The following TAF2 variants were observed in gnomAD, a reference collection of about 807,000 sequenced individuals.
TAF2 encodes the protein transcription initiation factor TFIID subunit 2.
TAF2 carries 61 observed loss-of-function variants against 138.5 expected under a neutral mutation model. The observed-to-expected ratio is 0.44, with a 90% CI of 0.36 to 0.54. TAF2 has a LOEUF of 0.54. Ranked by LOEUF, TAF2 falls within the 20% of genes least tolerant of loss-of-function variation. The probability of loss-of-function intolerance (pLI) is 0.00; values close to 1 mark genes in which losing one functional copy is unlikely to be tolerated. For synonymous variants in TAF2, 475 were observed against 469.9 expected (o/e 1.01, Z -0.14); for missense variants, 1,090 against 1,427.9 (o/e 0.76, Z 3.81).
At chr8:119,760,538 G>T in intron 20 of TAF2, 61 bp downstream of exon 20, 1 of 1,586,814 alleles carries the variant, frequency 6.3e-7, no homozygotes, top group Non-Finnish European at 8.6e-7. Context: ...CAACAACACT[G>T]GCTTTAAAAA....
intron 25 of TAF2, among the ~76,000 whole-genome samples, chr8:119,733,062 G>A (rs1818987723): frequency 1.3e-5 from 2 of 152,132 alleles, no homozygotes; most frequent in Non-Finnish European, 1.5e-5. Context: ...CATATGGGCT[G>A]ACTGCAGGAC....
In TAF2 at chr8:119,785,913, A is replaced by G. The variant is rs1563875782; in HGVS notation, c.1794-647T>C. Among the ~76,000 whole-genome samples, 3 of 152,178 alleles carry G rather than the reference A, an allele frequency of 2.0e-5. No individual in the cohort carries two copies. The South Asian group carries it at 6.2e-4, about 31-fold the overall frequency. ...CTGAGAATAGCAATCAAATGTTACC[A>G]ATTTCCAAGGTGGATAGGACAAAAA... is the stretch of plus-strand genomic sequence containing the variant. On this transcript the variant is annotated intron_variant, in intron 14 of 25. Coordinates refer to ENST00000378164, the MANE Select transcript of TAF2 (RefSeq NM_003184.4).
intron 2 of TAF2, among the ~76,000 whole-genome samples, chr8:119,826,521 G>A (rs116211294): frequency 6.6e-6 from 1 of 151,856 alleles, no homozygotes; most frequent in African/African-American, 2.4e-5. Context: ...GGTCACTTAT[G>A]ACCAAGATTA....
At chr8:119,758,864 G>A (rs549229858) in intron 20 of TAF2, among the ~76,000 whole-genome samples, 3 of 152,170 alleles carry the variant, frequency 2.0e-5, no homozygotes, top group Admixed American at 2.0e-4. Flanking sequence ...GGACAAAAGC[G>A]AAGTGTCACA....
At chr8:119,801,395 A>G (rs1307908862) in intron 6 of TAF2, among the ~76,000 whole-genome samples, 4 of 152,022 alleles carry the variant, frequency 2.6e-5, no homozygotes, top group African/African-American at 9.7e-5. Flanking sequence ...TTGATAGTTG[A>G]AAAAAGAGTG....
At chr8:119,824,398 C>T (rs369416695) in intron 2 of TAF2, among the ~76,000 whole-genome samples, 7 of 149,440 alleles carry the variant, frequency 4.7e-5, no homozygotes, top group African/African-American at 1.5e-4. Context: ...CACTGCACTC[C>T]AGCCTGGGGG....
rs201947539 is a variant in TAF2, at chr8:119,812,718, G to GGTGTGTGT, written c.300-6325_300-6318dup. On this transcript the variant is annotated intron_variant, in intron 3 of 25. Coordinates refer to ENST00000378164, the MANE Select transcript of TAF2 (RefSeq NM_003184.4). The stretch of plus-strand genomic sequence containing the variant: ...TTTTTATGGCTGAGTAGTATTCCAT[G>GGTGTGTGT]GTGTGTGTGTGTGTGTGTGTGTGTG... Among the ~76,000 whole-genome samples the GGTGTGTGT allele has an allele frequency of 2.8e-3, 399 of 143,952 alleles. 2 individuals are homozygous for GGTGTGTGT. Among genetic ancestry groups the GGTGTGTGT allele is most frequent in the Non-Finnish European group, 3.7e-3 (244 of 66,574 alleles). The allele number at this position is 143,952 out of a possible 152,430, so 94.4% of individuals were successfully genotyped here. A position where few individuals can be genotyped will look rare whatever the true frequency, so the allele number is the denominator to read the frequency against.
chr8:119,803,167 A>G (rs1055886343), intron 5 of TAF2, among the ~76,000 whole-genome samples: 1 of 152,188 alleles, frequency 6.6e-6, no homozygotes, highest in Non-Finnish European at 1.5e-5. Context: ...GGGGAAGTAG[A>G]GTATGAAAGC....
Position 119,788,546 on chromosome 8 carries a change from TA to T in TAF2, c.1684-100del, listed in dbSNP as rs566804574. The T allele has an allele frequency of 1.2e-3, 1,165 of 965,416 alleles. 43 individuals carry two copies. The South Asian group carries it at 0.015, about 12-fold the overall frequency. The allele number at this position is 965,416 out of a possible 1,614,324, so 59.8% of individuals were successfully genotyped here. Reference sequence around the variant, plus strand: ...AAATATAAATCAAGATATAAAATATTACACAAAATGAGTATCTGGAGACCTA... The same window carrying T: ...AAATATAAATCAAGATATAAAATATTCACAAAATGAGTATCTGGAGACCTA... On this transcript the variant is annotated intron_variant, in intron 13 of 25. Coordinates refer to ENST00000378164, the MANE Select transcript of TAF2 (RefSeq NM_003184.4).
At chr8:119,737,064 G>A (rs1819269352) in intron 25 of TAF2, among the ~76,000 whole-genome samples, 1 of 152,236 alleles carries the variant, frequency 6.6e-6, no homozygotes, top group East Asian at 1.9e-4. Flanking sequence ...AAGAAAAGAG[G>A]TATGAACTGG....
intron 24 of TAF2, among the ~76,000 whole-genome samples, chr8:119,743,327 T>C (rs956951322): frequency 3.3e-4 from 50 of 150,988 alleles, no homozygotes; most frequent in African/African-American, 3.9e-4. Context: ...CAGGATCACA[T>C]ACCTATGTGG....
intron 25 of TAF2, among the ~76,000 whole-genome samples, chr8:119,732,647 T>C (rs1045633990): frequency 6.6e-6 from 1 of 151,818 alleles, no homozygotes; most frequent in Non-Finnish European, 1.5e-5. Context: ...TTACCAAAAA[T>C]ACAAAAATTA....
intron 18 of TAF2, among the ~76,000 whole-genome samples, chr8:119,768,427 C>T (rs1189060584): frequency 6.6e-6 from 1 of 152,146 alleles, no homozygotes; most frequent in African/African-American, 2.4e-5. Flanking sequence ...GTTCTTAACC[C>T]CAGGGCACCA....
At chr8:119,780,656 C>T (rs972563177) in intron 17 of TAF2, among the ~76,000 whole-genome samples, 2 of 152,090 alleles carry the variant, frequency 1.3e-5, no homozygotes, top group African/African-American at 4.8e-5. Flanking sequence ...AAAAAAGAGG[C>T]CGGGCGCGGT....
intron 25 of TAF2, among the ~76,000 whole-genome samples, chr8:119,738,299 AG>A (rs1163723029): frequency 6.6e-6 from 1 of 152,162 alleles, no homozygotes; most frequent in Non-Finnish European, 1.5e-5. Flanking sequence ...TTACTTTCAT[AG>A]GAGCATAATG....
intron 4 of TAF2, 72 bp from the exon 5 acceptor site, chr8:119,804,091 A>C: frequency 6.5e-7 from 1 of 1,537,450 alleles, no homozygotes; most frequent in Non-Finnish European, 9.0e-7. Context: ...ACAAAGATTT[A>C]ATGCTGAACA....
chr8:119,792,570 C>T (rs1474298354), intron 10 of TAF2, among the ~76,000 whole-genome samples: 7 of 152,182 alleles, frequency 4.6e-5, no homozygotes, highest in Non-Finnish European at 8.8e-5. Context: ...TCAAACTACA[C>T]TCTCACAGTG....
intron 21 of TAF2, among the ~76,000 whole-genome samples, chr8:119,756,355 A>T (rs1237494396): frequency 6.6e-6 from 1 of 151,648 alleles, no homozygotes; most frequent in African/African-American, 2.4e-5. Context: ...GAGAGTAATT[A>T]AAAAAAAATT....
At chr8:119,821,007 C>T (rs1825773843) in intron 2 of TAF2, among the ~76,000 whole-genome samples, 1 of 131,230 alleles carries the variant, frequency 7.6e-6, no homozygotes, top group Non-Finnish European at 1.6e-5. Flanking sequence ...AGAACCAAGA[C>T]AACTACAAAA....
Sources: allele counts gnomAD v4.1 joint callset (sites outside exome capture counted in the v4.1 genomes callset), GRCh38; gene constraint gnomAD v4.1.1; transcripts MANE v1.5; gene names NCBI Gene and HGNC (gene_info 2026-07-23, HGNC 2026-07-21).